MROH1: variants seen among roughly 807,000 people sequenced by gnomAD.
MROH1 encodes maestro heat like repeat family member 1, also known as maestro heat-like repeat-containing protein family member 1.
MROH1 carries 117 observed loss-of-function variants against 116.5 expected under a neutral mutation model. That is an observed-to-expected ratio of 1.00 (90% CI 0.86 to 1.17). The LOEUF (loss-of-function observed/expected upper bound fraction) is 1.17. Among genes scored for constraint, MROH1 ranks in the 50% most tolerant of loss-of-function variants. The probability of loss-of-function intolerance (pLI) is 0.00; values close to 1 mark genes in which losing one functional copy is unlikely to be tolerated. For missense variants in MROH1, 1,873 were observed against 1,338.5 expected (o/e 1.40, Z -6.23); for synonymous variants, 921 against 583.9 (o/e 1.58, Z -8.32).
chr8:144,199,946 G>A (rs967288383), intron 11 of MROH1, among the ~76,000 whole-genome samples: 1 of 152,202 alleles, frequency 6.6e-6, no homozygotes, highest in Non-Finnish European at 1.5e-5. Flanking sequence ...CTGGAATGGG[G>A]ATGGCTCTGG....
intron 1 of MROH1, among the ~76,000 whole-genome samples, chr8:144,156,839 A>T (rs1818262718): frequency 7.7e-6 from 1 of 130,654 alleles, no homozygotes; most frequent in African/African-American, 2.9e-5. Context: ...CTTGAGTGCA[A>T]TGGTGCTATC....
chr8:144,255,037 C>T (rs1843452646), intron 34 of MROH1, 59 bp downstream of exon 34: 2 of 695,082 alleles, frequency 2.9e-6, no homozygotes, highest in Admixed American at 2.1e-5. Context: ...TGCCTGGGTG[C>T]CCGGGGGCAG....
At chr8:144,192,612 C>T in intron 10 of MROH1, 1 of 696,042 alleles carries the variant, frequency 1.4e-6, no homozygotes, top group Non-Finnish European at 2.6e-6. Flanking sequence ...GGTGACATAG[C>T]AGCCCCCAGG....
intron 1 of MROH1, among the ~76,000 whole-genome samples, chr8:144,156,920 T>C (rs1465251955): frequency 1.3e-5 from 2 of 150,968 alleles, no homozygotes; most frequent in Non-Finnish European, 3.0e-5. Flanking sequence ...GTAGCTGGGA[T>C]TACAGGCGCA....
intron 7 of MROH1, among the ~76,000 whole-genome samples, chr8:144,188,368 C>T (rs956756469): frequency 6.6e-6 from 1 of 152,092 alleles, no homozygotes; most frequent in Non-Finnish European, 1.5e-5. Flanking sequence ...CACTCACACC[C>T]CAACCTGGCC....
chr8:144,230,027 C>CT (rs1475403291), intron 14 of MROH1, among the ~76,000 whole-genome samples: 4 of 143,236 alleles, frequency 2.8e-5, no homozygotes, highest in Admixed American at 2.1e-4. Flanking sequence ...GAGCTACACT[C>CT]TGTCTCAAAA....
chr8:144,193,229 G>A (rs1454399419), intron 10 of MROH1: 1 of 152,588 alleles, frequency 6.6e-6, no homozygotes, highest in Non-Finnish European at 1.5e-5. Flanking sequence ...TGTATGAAAT[G>A]GTTAGGTTCC....
intron 12 of MROH1, among the ~76,000 whole-genome samples, chr8:144,202,755 G>A (rs1319171234): frequency 2.3e-4 from 30 of 129,470 alleles, no homozygotes; most frequent in African/African-American, 8.5e-4. Context: ...CTGCGGAGGG[G>A]TTGGGAGAGG....
rs747422159 is a variant in MROH1 at position 144,200,210 on chromosome 8, C to T, written c.1028-218C>T. Among the ~76,000 whole-genome samples, 156 of 152,252 alleles carry T rather than the reference C, an allele frequency of 1.0e-3. 1 individual carries two copies. The highest frequency in any genetic ancestry group is 3.4e-3 in the Middle Eastern group (1 of 294). On this transcript the variant is annotated intron_variant, in intron 11 of 43. Transcript: ENST00000326134. ...GCCAAGATCTAAGTCCCGGCATGCT[C>T]GGGTGGTGCTGGCGCCGTGGGATAA...
At chr8:144,242,719 G>GGGAGCTT (rs1214810718) in intron 24 of MROH1, 91 bp downstream of exon 24, 1 of 723,750 alleles carries the variant, frequency 1.4e-6, no homozygotes, top group Non-Finnish European at 2.6e-6. Context: ...AGGCCGGAGG[G>GGGAGCTT]GGAGCTTGGA....
intron 1 of MROH1, among the ~76,000 whole-genome samples, 176 bp downstream of exon 1, chr8:144,148,252 C>T (rs1815884087): frequency 6.6e-6 from 1 of 152,152 alleles, no homozygotes; most frequent in African/African-American, 2.4e-5. Context: ...GTCGCGGGGA[C>T]CTCGGCTCAG....
rs1025779741 is a variant in MROH1, at chr8:144,157,016, C to T, written c.-176-3954C>T. 4.5e-4 allele frequency among the ~76,000 whole-genome samples: 68 copies of T among 151,528 alleles called. 1 individual carries two copies. The East Asian group carries it at 0.012, about 27-fold the overall frequency. On this transcript the variant is annotated intron_variant, in intron 1 of 43. Coordinates refer to ENST00000326134, the MANE Select transcript of MROH1 (RefSeq NM_032450.3). ...TGTTGCCCAGGCTGGAGCGCAGTGG[C>T]GTGATCTCGGCTCACTGCAACCTCC...
chr8:144,245,673 T>C (rs1346060703), intron 29 of MROH1, among the ~76,000 whole-genome samples: 2 of 152,244 alleles, frequency 1.3e-5, no homozygotes, highest in Non-Finnish European at 2.9e-5. Context: ...TCTCTTTTTT[T>C]CCCTGAGACA....
chr8:144,189,822 C>T (rs1345485632), intron 7 of MROH1, among the ~76,000 whole-genome samples: 2 of 152,228 alleles, frequency 1.3e-5, no homozygotes, highest in Non-Finnish European at 2.9e-5. Context: ...CGTGGCACTG[C>T]TCCTCTTGTC....
chr8:144,225,101 C>T (rs986651753), intron 14 of MROH1, among the ~76,000 whole-genome samples: 10 of 151,930 alleles, frequency 6.6e-5, no homozygotes, highest in African/African-American at 1.7e-4. Context: ...TGCAGTGGCA[C>T]GATAATGGCC....
At chr8:144,240,254 G>C (rs898661472) in intron 19 of MROH1, 101 bp downstream of exon 19, 1 of 646,398 alleles carries the variant, frequency 1.5e-6, no homozygotes, top group South Asian at 1.8e-5. Context: ...ACCTCACCTC[G>C]TGGTTTGGCT....
intron 24 of MROH1, 21 bp downstream of exon 24, chr8:144,242,649 G>A (rs1841203288): frequency 1.3e-6 from 1 of 778,510 alleles, no homozygotes; most frequent in African/African-American, 1.7e-5. Flanking sequence ...TAGGAATTAA[G>A]TGCTGGACTG....
At chr8:144,250,943 G>C (rs976745657) in intron 33 of MROH1, 1 of 193,388 alleles carries the variant, frequency 5.2e-6, no homozygotes, top group African/African-American at 2.4e-5. Context: ...TCCTCGCCGA[G>C]GCCTCCGGAG....
At chr8:144,259,627 GGCCCC>G (rs1844602909) in intron 37 of MROH1, among the ~76,000 whole-genome samples, 2 of 152,250 alleles carry the variant, frequency 1.3e-5, no homozygotes, top group Non-Finnish European at 2.9e-5. Context: ...GGACAGGGCT[GGCCCC>G]TGGGACCCCA....
Sources: allele counts gnomAD v4.1 joint callset (sites outside exome capture counted in the v4.1 genomes callset), GRCh38; gene constraint gnomAD v4.1.1; transcripts MANE v1.5; gene names NCBI Gene and HGNC (gene_info 2026-07-23, HGNC 2026-07-21).